The following PRKAR2B variants were observed in gnomAD, a reference collection of about 807,000 sequenced individuals.
PRKAR2B encodes cAMP-dependent protein kinase type II-beta regulatory subunit.
A neutral mutation model predicts 49.9 loss-of-function variants in PRKAR2B; 14 were observed. That is an observed-to-expected ratio of 0.28 (90% confidence interval 0.19 to 0.44). PRKAR2B has a LOEUF of 0.44. Ranked by LOEUF, PRKAR2B falls within the 20% of genes least tolerant of loss-of-function variation. The probability of loss-of-function intolerance (pLI) is 1.00; values close to 1 mark genes in which losing one functional copy is unlikely to be tolerated. For synonymous variants in PRKAR2B, 196 were observed against 197.7 expected (o/e 0.99, Z 0.07); for missense variants, 393 against 537.9 (o/e 0.73, Z 2.67).
At chr7:107,089,959 G>C (rs918775752) in intron 2 of PRKAR2B, among the ~76,000 whole-genome samples, 12 of 152,190 alleles carry the variant, frequency 7.9e-5, no homozygotes, top group African/African-American at 2.9e-4. Flanking sequence ...TCTTATCAAT[G>C]ACTGCCCTAT....
rs1390854788 is a variant in PRKAR2B at position 107,160,432 on chromosome 7, ATTCT to A, written c.*853_*856del. On this transcript the variant is annotated 3_prime_UTR_variant, in exon 11 of 11. Coordinates refer to ENST00000265717, the MANE Select transcript of PRKAR2B (RefSeq NM_002736.3). ...AAACTTAAGATCCGACATTTTTTGT[ATTCT>A]TTAAGATTTTACACCTAAAAAATCT... The A allele has an allele frequency of 6.6e-5, 10 of 152,074 alleles. No homozygotes were observed. Among genetic ancestry groups the A allele is most frequent in the Non-Finnish European group, 1.2e-4 (8 of 68,010 alleles). 9.4% of individuals were successfully genotyped at this position (152,074 alleles called of 1,614,324 possible).
intron 3 of PRKAR2B, among the ~76,000 whole-genome samples, chr7:107,123,171 A>T (rs1386132770): frequency 1.3e-5 from 2 of 152,220 alleles, no homozygotes; most frequent in African/African-American, 4.8e-5. Context: ...AGCAATCGAG[A>T]TGAGCTGGTT....
intron 1 of PRKAR2B, among the ~76,000 whole-genome samples, chr7:107,064,016 A>G (rs981863062): frequency 1.3e-5 from 2 of 152,088 alleles, no homozygotes; most frequent in Admixed American, 6.5e-5. Context: ...GTGAATTTAT[A>G]TCGTCTTGAC....
chr7:107,150,977 T>C lies in PRKAR2B; in HGVS notation c.797T>C (p.Met266Thr), dbSNP rs749115000. 5.0e-6 allele frequency: 8 copies of C among 1,599,554 alleles called. No individual in the cohort carries two copies. Among genetic ancestry groups the C allele is most frequent in the Admixed American group, 1.7e-5 (1 of 57,218 alleles). Residue 266 changes from methionine to threonine, a missense_variant, in exon 7 of 11, where the codon ATG (methionine) becomes ACG (threonine). Coordinates refer to ENST00000265717, the MANE Select transcript of PRKAR2B (RefSeq NM_002736.3). Reference sequence around the variant, plus strand: ...AAAAACAATGCCAAAAAGAGAAAAATGTATGAAAGCTTTATTGAGTCACTG... The same window carrying C: ...AAAAACAATGCCAAAAAGAGAAAAACGTATGAAAGCTTTATTGAGTCACTG... ...IVKNNAKKRK[M>T]YESFIESLPF... is the part of the protein sequence containing the mutation.
intron 6 of PRKAR2B, among the ~76,000 whole-genome samples, chr7:107,148,742 C>G (rs1171112893): frequency 6.6e-6 from 1 of 152,018 alleles, no homozygotes; most frequent in Non-Finnish European, 1.5e-5. Flanking sequence ...GCAAAAAAAG[C>G]CCAAGAGAAA....
At chr7:107,122,765 C>T (rs939323144) in intron 3 of PRKAR2B, among the ~76,000 whole-genome samples, 1 of 152,116 alleles carries the variant, frequency 6.6e-6, no homozygotes, top group Non-Finnish European at 1.5e-5. Context: ...CTACTACGTC[C>T]CTAAGTCGTT....
intron 2 of PRKAR2B, among the ~76,000 whole-genome samples, chr7:107,071,940 G>A (rs1010533151): frequency 6.6e-6 from 1 of 151,696 alleles, no homozygotes; most frequent in Non-Finnish European, 1.5e-5. Context: ...GTGGTGGCGG[G>A]CACCTGTAGT....
At chr7:107,132,496 C>T (rs1055056419) in intron 4 of PRKAR2B, among the ~76,000 whole-genome samples, 74 of 152,070 alleles carry the variant, frequency 4.9e-4, no homozygotes, top group African/African-American at 1.3e-3. Context: ...AGTAAGAAAA[C>T]GAGGTCATGA....
chr7:107,136,015 C>T (rs182194915), intron 4 of PRKAR2B, among the ~76,000 whole-genome samples: 10 of 152,082 alleles, frequency 6.6e-5, no homozygotes, highest in Admixed American at 6.6e-4. Context: ...ACAGAGAACC[C>T]GGTAACAGCC....
intron 4 of PRKAR2B, among the ~76,000 whole-genome samples, chr7:107,132,062 C>T (rs1443719476): frequency 6.6e-6 from 1 of 152,132 alleles, no homozygotes; most frequent in African/African-American, 2.4e-5. Context: ...TGATATATTG[C>T]TGTAATATGG....
chr7:107,114,026 C>T (rs1562861287), intron 2 of PRKAR2B, among the ~76,000 whole-genome samples: 1 of 152,080 alleles, frequency 6.6e-6, no homozygotes, highest in Non-Finnish European at 1.5e-5. Flanking sequence ...ATGCTCTGTC[C>T]TCTTAATTGT....
At chr7:107,087,253 T>C (rs1794638476) in intron 2 of PRKAR2B, among the ~76,000 whole-genome samples, 1 of 152,112 alleles carries the variant, frequency 6.6e-6, no homozygotes, top group Non-Finnish European at 1.5e-5. Flanking sequence ...CCATCAAATA[T>C]GGACTTTTTT....
At chr7:107,148,615 G>A (rs1281526523) in intron 6 of PRKAR2B, among the ~76,000 whole-genome samples, 2 of 152,010 alleles carry the variant, frequency 1.3e-5, no homozygotes, top group Admixed American at 6.6e-5. Context: ...ACTTTTTAAG[G>A]GTGACTTGAC....
At chr7:107,068,704 A>T (rs989556030) in intron 1 of PRKAR2B, 7 of 152,162 alleles carry the variant, frequency 4.6e-5, no homozygotes, top group Non-Finnish European at 8.8e-5. Flanking sequence ...TCACAAAGTT[A>T]ATCTTTAATC....
intron 1 of PRKAR2B, among the ~76,000 whole-genome samples, chr7:107,065,238 T>C (rs1021575507): frequency 5.3e-5 from 8 of 152,324 alleles, no homozygotes; most frequent in African/African-American, 1.9e-4. Context: ...CGAACACTTT[T>C]CTGCAAAAGG....
At chr7:107,139,311 T>TA (rs1795753062) in intron 4 of PRKAR2B, among the ~76,000 whole-genome samples, 1 of 152,202 alleles carries the variant, frequency 6.6e-6, no homozygotes, top group Non-Finnish European at 1.5e-5. Flanking sequence ...GGGGAACCCC[T>TA]AAGTCCTACC....
chr7:107,106,915 TC>T (rs1216429965), intron 2 of PRKAR2B, among the ~76,000 whole-genome samples: 8 of 152,064 alleles, frequency 5.3e-5, no homozygotes, highest in African/African-American at 1.9e-4. Context: ...GCTAGACACA[TC>T]CTACAGTTGT....
intron 2 of PRKAR2B, among the ~76,000 whole-genome samples, chr7:107,085,881 A>T (rs1480404156): frequency 6.6e-6 from 1 of 152,228 alleles, no homozygotes; most frequent in Non-Finnish European, 1.5e-5. Flanking sequence ...TAGTTTTGCA[A>T]GTACATCTAC....
intron 5 of PRKAR2B, among the ~76,000 whole-genome samples, chr7:107,144,413 A>G (rs2115648746): frequency 6.6e-6 from 1 of 151,960 alleles, no homozygotes; most frequent in Admixed American, 6.6e-5. Context: ...TCTTCTGTCT[A>G]TCATGTTTCT....
Sources: allele counts gnomAD v4.1 joint callset (sites outside exome capture counted in the v4.1 genomes callset), GRCh38; gene constraint gnomAD v4.1.1; transcripts MANE v1.5; gene names NCBI Gene and HGNC (gene_info 2026-07-23, HGNC 2026-07-21).